The following CPQ variants were observed in gnomAD, a reference collection of about 807,000 sequenced individuals.
The protein encoded by CPQ is carboxypeptidase Q, also known as Ser-Met dipeptidase.
In CPQ, 37 loss-of-function variants were observed where a neutral mutation model predicts 45.7. That is an observed-to-expected ratio of 0.81 (90% CI 0.62 to 1.07). CPQ has a LOEUF of 1.07. CPQ is among the 50% of genes least tolerant of loss of function. CPQ has a pLI of 0.00. For synonymous variants in CPQ, 186 were observed against 205.8 expected, an observed-to-expected ratio of 0.90 and a Z score of 0.82; for missense variants, 537 against 572.9, an observed-to-expected ratio of 0.94 and a Z score of 0.64.
intron 1 of CPQ, among the ~76,000 whole-genome samples, chr8:96,765,159 G>C (rs1810451238): frequency 1.3e-5 from 2 of 152,192 alleles, no homozygotes; most frequent in Non-Finnish European, 2.9e-5. Context: ...TGGCGCAATA[G>C]CCCAGGCAGA....
At chr8:96,649,953 C>G (rs1257484672) in intron 1 of CPQ, among the ~76,000 whole-genome samples, 2 of 152,140 alleles carry the variant, frequency 1.3e-5, no homozygotes, top group African/African-American at 4.8e-5. Flanking sequence ...GAAATACAGA[C>G]CAGAGTCATT....
intron 1 of CPQ, among the ~76,000 whole-genome samples, chr8:96,681,488 T>C (rs1251816582): frequency 6.6e-6 from 1 of 152,182 alleles, no homozygotes; most frequent in African/African-American, 2.4e-5. Flanking sequence ...TGGGAACCTC[T>C]TCCTAGATTT....
chr8:96,998,862 G>T lies in CPQ; in HGVS notation c.962-30541G>T, dbSNP rs113433946. Among the ~76,000 whole-genome samples the T allele has an allele frequency of 5.6e-3, 847 of 152,052 alleles. 12 individuals are homozygous for T. The highest frequency in any genetic ancestry group is 0.019 in the African/African-American group (776 of 41,520). ...TGTTTACTGCTGTTCTATGCTATTT[G>T]CTGGACAAACCAAAAAACTGCCTTT... On this transcript the variant is annotated intron_variant, in intron 5 of 7. Transcript: ENST00000220763.
At chr8:96,889,244 G>A (rs191831874) in intron 4 of CPQ, among the ~76,000 whole-genome samples, 1 of 152,310 alleles carries the variant, frequency 6.6e-6, no homozygotes, top group East Asian at 1.9e-4. Flanking sequence ...ATACTTTTGA[G>A]TAGGCAAAGA....
At chr8:96,968,424 G>A (rs1813606558) in intron 5 of CPQ, among the ~76,000 whole-genome samples, 1 of 152,168 alleles carries the variant, frequency 6.6e-6, no homozygotes, top group South Asian at 2.1e-4. Context: ...GAAGAGCTAG[G>A]TTCAGCATGT....
At chr8:97,007,667 C>A (rs1408518946) in intron 5 of CPQ, among the ~76,000 whole-genome samples, 1 of 152,074 alleles carries the variant, frequency 6.6e-6, no homozygotes, top group Non-Finnish European at 1.5e-5. Context: ...CACAGGCAGC[C>A]AGAACACAGT....
chr8:96,776,073 A>G (rs541757528), intron 1 of CPQ, among the ~76,000 whole-genome samples: 5 of 152,354 alleles, frequency 3.3e-5, no homozygotes, highest in Admixed American at 2.6e-4. Flanking sequence ...CCTTGCATAT[A>G]GTGAGTTCTC....
chr8:96,871,810 G>A (rs1812072167), intron 3 of CPQ, among the ~76,000 whole-genome samples: 1 of 151,802 alleles, frequency 6.6e-6, no homozygotes, highest in Admixed American at 6.6e-5. Flanking sequence ...TGTCATAGAT[G>A]TCTTCTCTTT....
intron 4 of CPQ, among the ~76,000 whole-genome samples, chr8:96,959,553 C>T (rs1440693197): frequency 6.6e-6 from 1 of 152,122 alleles, no homozygotes; most frequent in African/African-American, 2.4e-5. Flanking sequence ...ACGCTCACTG[C>T]TGCAGTCCAA....
At chr8:97,016,473 G>T (rs1284584145) in intron 5 of CPQ, among the ~76,000 whole-genome samples, 1 of 152,144 alleles carries the variant, frequency 6.6e-6, no homozygotes, top group East Asian at 1.9e-4. Flanking sequence ...TATTCATTCA[G>T]TCAATCAAAT....
chr8:96,828,590 C>T (rs770785647), intron 2 of CPQ, among the ~76,000 whole-genome samples: 6 of 152,006 alleles, frequency 3.9e-5, no homozygotes, highest in Non-Finnish European at 8.8e-5. Flanking sequence ...CTGGATTTTC[C>T]TCTGTAAATA....
rs117162115 is a variant in CPQ, at chr8:96,782,528, G to T, written c.-34-2336G>T. ...CAGAGATCCCTGAAGTGCCTTTGCG[G>T]TCATTTTCTTATTGTCTTGATGAAT... is the stretch of plus-strand genomic sequence containing the variant. On this transcript the variant is annotated intron_variant, in intron 1 of 7. Transcript: ENST00000220763. Among the ~76,000 whole-genome samples the T allele has an allele frequency of 1.4e-3, 216 of 152,204 alleles. 1 individual carries two copies. Among genetic ancestry groups the T allele is most frequent in the Non-Finnish European group, 2.2e-3 (150 of 68,004 alleles).
intron 1 of CPQ, among the ~76,000 whole-genome samples, chr8:96,756,436 T>C (rs987506596): frequency 4.6e-5 from 7 of 152,136 alleles, no homozygotes; most frequent in Non-Finnish European, 7.4e-5. Context: ...AAATTTTCTA[T>C]ACTTTGTAGG....
intron 1 of CPQ, among the ~76,000 whole-genome samples, chr8:96,753,667 G>C (rs981732492): frequency 6.6e-6 from 1 of 151,898 alleles, no homozygotes; most frequent in African/African-American, 2.4e-5. Flanking sequence ...ATTTTCTTGA[G>C]TATTATTATT....
intron 6 of CPQ, among the ~76,000 whole-genome samples, chr8:97,050,114 T>G (rs1810333723): frequency 6.6e-6 from 1 of 152,220 alleles, no homozygotes; most frequent in Non-Finnish European, 1.5e-5. Context: ...TACACCAGTC[T>G]TTGCTCACCT....
Position 96,856,885 on chromosome 8 carries a change from T to C in CPQ, c.641+21705T>C, listed in dbSNP as rs141558936. Among the ~76,000 whole-genome samples the C allele has an allele frequency of 3.4e-3, 517 of 152,366 alleles. 4 individuals carry two copies. Among genetic ancestry groups the C allele is most frequent in the Non-Finnish European group, 6.2e-3 (422 of 68,036 alleles). On this transcript the variant is annotated intron_variant, in intron 3 of 7. Coordinates refer to ENST00000220763, the MANE Select transcript of CPQ (RefSeq NM_016134.4). ...CTGTGAAAGCAAGGACTAGGTCTTA[T>C]ATTCTTCGTGTAGTGCTAAGAAGAT...
chr8:97,039,988 G>A (rs1810086508), intron 6 of CPQ, among the ~76,000 whole-genome samples: 1 of 151,928 alleles, frequency 6.6e-6, no homozygotes, highest in African/African-American at 2.4e-5. Context: ...AGTCCTTTGG[G>A]TATATACCCA....
chr8:96,983,145 T>C (rs1053438647), intron 5 of CPQ, among the ~76,000 whole-genome samples: 1 of 152,216 alleles, frequency 6.6e-6, no homozygotes. Context: ...AGAATATGTA[T>C]ATAAAAAATG....
chr8:96,784,404 G>C (rs974744558), intron 1 of CPQ, among the ~76,000 whole-genome samples: 2 of 151,602 alleles, frequency 1.3e-5, no homozygotes, highest in Non-Finnish European at 1.5e-5. Flanking sequence ...TGAGGTGGGG[G>C]GGGGGTTGGT....
Sources: gnomAD v4.1 joint callset for allele counts (sites outside exome capture counted in the v4.1 genomes callset) on GRCh38, gnomAD v4.1.1 for gene constraint, MANE v1.5 for transcripts, NCBI Gene and HGNC (gene_info 2026-07-23, HGNC 2026-07-21) for gene names.